PDZD2: variants seen among roughly 807,000 people sequenced by gnomAD.
PDZD2 encodes PDZ domain-containing protein 2.
Under a neutral mutation model 220.7 loss-of-function variants are expected in PDZD2, and 90 were observed. The ratio of observed to expected loss-of-function variants is 0.41; its 90% CI spans 0.34 to 0.49. The LOEUF is 0.49. Among genes scored for constraint, PDZD2 ranks in the 20% least tolerant of loss-of-function variants. The pLI is 0.28. For missense variants in PDZD2, 3,174 were observed against 3,608.5 expected, an observed-to-expected ratio of 0.88 and a Z score of 3.08; for synonymous variants, 1,375 against 1,450.5, an observed-to-expected ratio of 0.95 and a Z score of 1.18.
chr5:32,069,678 C>T (rs751493127), intron 15 of PDZD2, 28 bp downstream of exon 15: 2 of 1,099,990 alleles, frequency 1.8e-6, no homozygotes, highest in Admixed American at 1.7e-5. Context: ...TTTCATTCAA[C>T]ATTCAGAAGA....
intron 2 of PDZD2, among the ~76,000 whole-genome samples, chr5:31,887,993 AC>A (rs1740673039): frequency 6.6e-6 from 1 of 152,118 alleles, no homozygotes; most frequent in African/African-American, 2.4e-5. Flanking sequence ...GCATTTGGGC[AC>A]ATCAGAGGGA....
chr5:32,087,537 A>T lies in PDZD2; in HGVS notation c.4089A>T (p.Glu1363Asp), dbSNP rs774308566. The part of the protein sequence containing the change: ...GAPGNHSKAL[E>D]MTGIHAPESS... ...CAGGTAACCACAGTAAGGCTCTGGA[A>T]ATGACAGGAATCCATGCACCTGAAA... The change falls in exon 20 of 25, where the codon GAA becomes GAT. Residue 1363 changes from glutamate (E) to aspartate (D), a missense_variant. By Grantham distance (45) the Glu-to-Asp change is conservative. Transcript: ENST00000438447. The surrounding 1 kb of genome is among the most constrained non-coding windows in gnomAD (Gnocchi z 4.0). 1 of 1,613,562 alleles carries T rather than the reference A, an allele frequency of 6.2e-7. No homozygotes were observed. The highest frequency in any genetic ancestry group is 1.3e-5 in the African/African-American group (1 of 74,918).
intron 1 of PDZD2, among the ~76,000 whole-genome samples, chr5:31,652,546 A>G (rs1289548213): frequency 2.0e-5 from 3 of 152,108 alleles, no homozygotes; most frequent in African/African-American, 7.2e-5. Context: ...TCCTTTTTTC[A>G]TCCAACTAAT....
intron 6 of PDZD2, among the ~76,000 whole-genome samples, chr5:32,032,228 G>A (rs1341695544): frequency 6.6e-6 from 1 of 152,190 alleles, no homozygotes; most frequent in Non-Finnish European, 1.5e-5. Flanking sequence ...TTGGCCCAGG[G>A]CAGTGGTGAA....
At chr5:32,064,463 G>A (rs1740010212) in intron 14 of PDZD2, among the ~76,000 whole-genome samples, 1 of 151,748 alleles carries the variant, frequency 6.6e-6, no homozygotes, top group East Asian at 2.0e-4. Flanking sequence ...GGCTGGTCTC[G>A]AACTCCTAAC....
intron 2 of PDZD2, among the ~76,000 whole-genome samples, chr5:31,801,354 T>C (rs1350948050): frequency 1.4e-5 from 2 of 142,430 alleles, no homozygotes; most frequent in South Asian, 2.2e-4. Context: ...GAGATTGTTC[T>C]CAGAAAAGGA....
At chr5:31,852,545 C>T (rs1758121110) in intron 2 of PDZD2, among the ~76,000 whole-genome samples, 1 of 151,866 alleles carries the variant, frequency 6.6e-6, no homozygotes, top group Non-Finnish European at 1.5e-5. Flanking sequence ...CTTGGCCTCC[C>T]AAAGTGCTAG....
intron 6 of PDZD2, among the ~76,000 whole-genome samples, chr5:32,031,730 CT>C (rs1755135495): frequency 6.6e-6 from 1 of 152,186 alleles, no homozygotes; most frequent in African/African-American, 2.4e-5. Context: ...TTAATTTCGA[CT>C]AAACCTTACC....
chr5:31,988,566 A>G (rs1405053667), intron 3 of PDZD2, among the ~76,000 whole-genome samples: 1 of 152,060 alleles, frequency 6.6e-6, no homozygotes, highest in Non-Finnish European at 1.5e-5. Context: ...CTTCATCCTG[A>G]AGGCATGATC....
intron 1 of PDZD2, among the ~76,000 whole-genome samples, chr5:31,676,981 C>G (rs1746454074): frequency 6.6e-6 from 1 of 152,088 alleles, no homozygotes; most frequent in South Asian, 2.1e-4. Flanking sequence ...CTATTCCTTC[C>G]CCTGCCAGGT....
intron 17 of PDZD2, 25 bp downstream of exon 17, chr5:32,072,342 C>A (rs1348854531): frequency 1.9e-6 from 3 of 1,581,570 alleles, no homozygotes; most frequent in Non-Finnish European, 2.6e-6. Context: ...CCCAGAGGGC[C>A]TGGGCTCTGC....
At chr5:31,660,347 A>G (rs1745711836) in intron 1 of PDZD2, among the ~76,000 whole-genome samples, 1 of 152,160 alleles carries the variant, frequency 6.6e-6, no homozygotes, top group African/African-American at 2.4e-5. Flanking sequence ...AAATTTTTTT[A>G]TAAAAAAATT....
rs1741411504 is a variant in PDZD2, at chr5:32,077,494, T to C, written c.3570T>C (p.Ala1190=). The change falls in exon 19 of 25, where the codon GCT becomes GCC. Residue 1190 remains alanine, a synonymous_variant. Coordinates refer to ENST00000438447, the MANE Select transcript of PDZD2 (RefSeq NM_178140.4). ...ESLGKLTTGD[A]CVSTSCELAS... is the part of the protein sequence containing the mutation. Reference sequence around the variant, plus strand: ...TGGGAAAGCTGACCACTGGAGATGCTTGTGTCTCTACCAGCTGTGAACTAG... The same window carrying C: ...TGGGAAAGCTGACCACTGGAGATGCCTGTGTCTCTACCAGCTGTGAACTAG... The C allele has an allele frequency of 6.2e-7, 1 of 1,613,956 alleles. No homozygotes were observed. Among genetic ancestry groups the C allele is most frequent in the Non-Finnish European group, 8.5e-7 (1 of 1,179,964 alleles).
chr5:31,887,346 G>A (rs1370982608), intron 2 of PDZD2, among the ~76,000 whole-genome samples: 3 of 152,184 alleles, frequency 2.0e-5, no homozygotes, highest in African/African-American at 7.2e-5. Context: ...CTTCAGAAAT[G>A]CTTGGAGCAC....
intron 2 of PDZD2, among the ~76,000 whole-genome samples, chr5:31,835,062 AACT>A (rs1580853208): frequency 6.6e-6 from 1 of 152,112 alleles, no homozygotes; most frequent in East Asian, 1.9e-4. Flanking sequence ...AGTGTTTCAA[AACT>A]TTGATAGCCT....
intron 1 of PDZD2, among the ~76,000 whole-genome samples, chr5:31,739,933 A>G (rs932559404): frequency 1.3e-5 from 2 of 152,148 alleles, no homozygotes; most frequent in African/African-American, 4.8e-5. Flanking sequence ...TTTGTGCTAA[A>G]GCTTTGGCCA....
chr5:32,049,449 G>T (rs903369097), intron 8 of PDZD2, among the ~76,000 whole-genome samples: 4 of 152,176 alleles, frequency 2.6e-5, no homozygotes, highest in Admixed American at 2.0e-4. Flanking sequence ...TGGCAGCAAC[G>T]ACCTCCACAC....
At chr5:31,836,553 T>A (rs1756951615) in intron 2 of PDZD2, among the ~76,000 whole-genome samples, 1 of 152,016 alleles carries the variant, frequency 6.6e-6, no homozygotes, top group Non-Finnish European at 1.5e-5. Context: ...GAGGGAAAAA[T>A]CCATGATTTT....
chr5:31,942,327 C>T (rs1410307550), intron 2 of PDZD2, among the ~76,000 whole-genome samples: 5 of 151,874 alleles, frequency 3.3e-5, no homozygotes, highest in Non-Finnish European at 5.9e-5. Flanking sequence ...TTTGGGTGAC[C>T]AAACCTAGAT....
Sources: gnomAD v4.1 joint callset for allele counts (sites outside exome capture counted in the v4.1 genomes callset) on GRCh38, gnomAD v4.1.1 for gene constraint, Gnocchi (gnomAD v3.1) non-coding constraint, MANE v1.5 for transcripts, NCBI Gene and HGNC (gene_info 2026-07-23, HGNC 2026-07-21) for gene names.